The following AKR1C3 variants were observed in gnomAD, a reference collection of about 807,000 sequenced individuals.
AKR1C3 encodes 3-alpha hydroxysteroid dehydrogenase, type II.
In AKR1C3, 48 loss-of-function variants were observed where a neutral mutation model predicts 43.6. The ratio of observed to expected loss-of-function variants is 1.10; its 90% CI spans 0.87 to 1.40. The LOEUF (loss-of-function observed/expected upper bound fraction) is 1.40, where lower values mean the gene tolerates loss of function less well. AKR1C3 is among the 40% of genes most tolerant of loss of function. The probability of loss-of-function intolerance (pLI) is 0.00; values close to 1 mark genes in which losing one functional copy is unlikely to be tolerated. For missense variants in AKR1C3, 482 were observed against 391.2 expected (o/e 1.23, Z -1.96); for synonymous variants, 162 against 139.6 (o/e 1.16, Z -1.13).
intron 1 of AKR1C3, among the ~76,000 whole-genome samples, chr10:5,074,995 C>T (rs534647551): frequency 2.6e-5 from 4 of 152,210 alleles, no homozygotes; most frequent in African/African-American, 9.6e-5. Context: ...AATTTGGAGC[C>T]CTCAAAATCA....
rs1554787089 is a variant in AKR1C3, at chr10:5,105,695, ATG to A, written c.929+19_929+20del. The A allele has an allele frequency of 2.5e-6, 4 of 1,581,342 alleles. No homozygotes were observed. Among genetic ancestry groups the A allele is most frequent in the African/African-American group, 2.7e-5 (2 of 74,264 alleles). On this transcript the variant is annotated intron_variant, in intron 8 of 8. Coordinates refer to ENST00000380554, the MANE Select transcript of AKR1C3 (RefSeq NM_003739.6). ...AGTGATAGGTAAGTTTCCTTTGTAA[ATG>A]GGTGATCTAATTTATTTCTGGAGAA...
chr10:5,076,321 C>T (rs1357399656), intron 1 of AKR1C3, among the ~76,000 whole-genome samples: 1 of 152,142 alleles, frequency 6.6e-6, no homozygotes, highest in Non-Finnish European at 1.5e-5. Flanking sequence ...GGATTTGCCT[C>T]ATTCATTAAT....
chr10:5,098,506 C>CA lies in AKR1C3; in HGVS notation c.370-294dup, dbSNP rs1427604468. 6.6e-5 allele frequency among the ~76,000 whole-genome samples: 10 copies of CA among 152,200 alleles called. No homozygotes were observed. In the East Asian group the frequency reaches 1.9e-3, roughly 29 times the overall value. ...ATTTCCAAATCAAAGAGAGGTACTT[C>CA]AATAGAGGAAATTATAAGGGCGGAA... On this transcript the variant is annotated intron_variant, in intron 3 of 8. Transcript: ENST00000380554.
intron 1 of AKR1C3, among the ~76,000 whole-genome samples, chr10:5,067,223 T>C (rs922999657): frequency 2.6e-5 from 4 of 152,204 alleles, no homozygotes; most frequent in Non-Finnish European, 5.9e-5. Context: ...CCCTTTTCCA[T>C]TTCTATTGTT....
intron 1 of AKR1C3, among the ~76,000 whole-genome samples, chr10:5,074,009 G>A (rs74674066): frequency 0.012 from 1,750 of 152,094 alleles, 34 homozygotes; most frequent in African/African-American, 0.04. Context: ...TCTGCTCACC[G>A]AGATAATTAC....
upstream of AKR1C3, chr10:5,093,359 ATAAT>A (rs1839137235): frequency 6.6e-6 from 1 of 152,158 alleles, no homozygotes; most frequent in Admixed American, 6.6e-5. Flanking sequence ...TCAATGTATA[ATAAT>A]TAACTTATTT....
chr10:5,100,579 CA>C (rs1839321856), intron 5 of AKR1C3, among the ~76,000 whole-genome samples: 1 of 152,084 alleles, frequency 6.6e-6, no homozygotes, highest in African/African-American at 2.4e-5. Context: ...CAAAAAAATT[CA>C]AAATTAAAGT....
chr10:5,070,523 G>T (rs1164445772), intron 1 of AKR1C3, among the ~76,000 whole-genome samples: 1 of 152,174 alleles, frequency 6.6e-6, no homozygotes, highest in Non-Finnish European at 1.5e-5. Flanking sequence ...TAAATGAAAA[G>T]GGTGAAGTGA....
At chr10:5,087,460 C>T (rs1038094095) in intron 1 of AKR1C3, among the ~76,000 whole-genome samples, 20 of 151,120 alleles carry the variant, frequency 1.3e-4, no homozygotes, top group African/African-American at 4.9e-4. Flanking sequence ...GAAACCTTGA[C>T]CTCCCAGGTT....
intron 1 of AKR1C3, among the ~76,000 whole-genome samples, chr10:5,051,100 G>T (rs11818412): frequency 0.21 from 31,683 of 151,984 alleles, 3,385 homozygotes; most frequent in East Asian, 0.38. Flanking sequence ...TTGTTTTGTT[G>T]TTTGTTTGTT....
At chr10:5,082,793 G>T in intron 1 of AKR1C3, among the ~76,000 whole-genome samples, 1 of 152,088 alleles carries the variant, frequency 6.6e-6, no homozygotes, top group East Asian at 1.9e-4. Flanking sequence ...TTGGTATCAG[G>T]ATGATACTAG....
rs1554782986 is a variant in AKR1C3, at chr10:5,085,570, C to A, written c.85-10840C>A. On this transcript the variant is annotated intron_variant, in intron 1 of 8. Coordinates refer to the AKR1C3 transcript ENST00000439082. ...TTGTGTCTCTGCCAGGCTTTGGTATCAGGATGACGCTGGCCTCATTAAATG... is the reference window on the plus strand; with the variant it reads ...TTGTGTCTCTGCCAGGCTTTGGTATAAGGATGACGCTGGCCTCATTAAATG... 1.3e-5 allele frequency among the ~76,000 whole-genome samples: 2 copies of A among 151,892 alleles called. 1 individual carries two copies. Among genetic ancestry groups the A allele is most frequent in the South Asian group, 4.2e-4 (2 of 4,776 alleles).
In AKR1C3 at chr10:5,094,510, C is replaced by A. The variant is rs782044031; in HGVS notation, c.66C>A (p.Gly22=). ...ACTTCATGCCTGTATTGGGATTTGG[C>A]ACCTATGCACCTCCAGAGGTAAGAA... ...DGHFMPVLGF[G]TYAPPEVPRS... The change falls in exon 1 of 9, where the codon GGC becomes GGA. Residue 22 remains glycine (G), a synonymous_variant. Transcript: ENST00000380554. The A allele has an allele frequency of 1.2e-6, 2 of 1,612,678 alleles. No homozygotes were observed. The highest frequency in any genetic ancestry group is 1.7e-6 in the Non-Finnish European group (2 of 1,178,914).
rs369662312 is a variant in AKR1C3, at chr10:5,098,858, G to A, written c.426G>A (p.Val142=). The A allele has an allele frequency of 1.2e-6, 2 of 1,613,464 alleles. No homozygotes were observed. The highest frequency in any genetic ancestry group is 1.1e-5 in the South Asian group (1 of 90,930). Residue 142 remains valine (V), a synonymous_variant, in exon 4 of 9, where the codon GTG becomes GTA. Transcript: ENST00000380554. ...ATGGAAAAGTAATATTTGACATAGTGGATCTCTGTACCACCTGGGAGGTGA... is the reference window on the plus strand; with the variant it reads ...ATGGAAAAGTAATATTTGACATAGTAGATCTCTGTACCACCTGGGAGGTGA... ...DENGKVIFDI[V]DLCTTWEAME...
intron 1 of AKR1C3, among the ~76,000 whole-genome samples, chr10:5,094,886 C>A (rs1839172732): frequency 6.6e-6 from 1 of 152,044 alleles, no homozygotes; most frequent in Non-Finnish European, 1.5e-5. Context: ...AGAAATCTTT[C>A]CATCTTCCAA....
rs371915663 is a variant in AKR1C3, at chr10:5,094,440, A to C, written c.-5A>C. The C allele has an allele frequency of 1.4e-4, 225 of 1,609,082 alleles. No individual in the cohort carries two copies. Among genetic ancestry groups the C allele is most frequent in the Non-Finnish European group, 1.7e-4 (201 of 1,175,736 alleles). On this transcript the variant is annotated 5_prime_UTR_variant, in exon 1 of 9. Coordinates refer to ENST00000380554, the MANE Select transcript of AKR1C3 (RefSeq NM_003739.6). ...AACATTTGCTAGTCAGACAAGTGAC[A>C]GGGAATGGATTCCAAACACCAGTGT...
At chr10:5,106,262 G>C (rs1343702764) in intron 8 of AKR1C3, among the ~76,000 whole-genome samples, 2 of 152,268 alleles carry the variant, frequency 1.3e-5, no homozygotes. Flanking sequence ...GAATAGGAGC[G>C]CTTGTCCTTG....
At chr10:5,105,925 T>C (rs782308712) in intron 8 of AKR1C3, among the ~76,000 whole-genome samples, 18 of 152,190 alleles carry the variant, frequency 1.2e-4, no homozygotes, top group Non-Finnish European at 2.2e-4. Flanking sequence ...GCCAACATCA[T>C]TGCCAAGTCT....
chr10:5,076,631 T>C (rs981859848), intron 1 of AKR1C3, among the ~76,000 whole-genome samples: 1 of 152,242 alleles, frequency 6.6e-6, no homozygotes, highest in Non-Finnish European at 1.5e-5. Context: ...CATTTATGGC[T>C]TACACTATCA....
Sources: allele counts gnomAD v4.1 joint callset (sites outside exome capture counted in the v4.1 genomes callset), GRCh38; gene constraint gnomAD v4.1.1; transcripts MANE v1.5; gene names NCBI Gene and HGNC (gene_info 2026-07-23, HGNC 2026-07-21).